Variants in TMEM72 observed in about 807,000 individuals in gnomAD.
TMEM72 encodes the protein kidney-specific secretory protein of 37 kDa.
Under a neutral mutation model 16.3 loss-of-function variants are expected in TMEM72, and 9 were observed. The ratio of observed to expected loss-of-function variants is 0.55; its 90% CI spans 0.33 to 0.96. The LOEUF (loss-of-function observed/expected upper bound fraction) is 0.96. Ranked by LOEUF, TMEM72 falls within the 40% of genes least tolerant of loss-of-function variation. TMEM72 has a pLI of 0.03. For synonymous variants in TMEM72, 160 were observed against 146.5 expected, an observed-to-expected ratio of 1.09 and a Z score of -0.66; for missense variants, 324 against 337.8, an observed-to-expected ratio of 0.96 and a Z score of 0.32.
chr10:44,918,646 T>C (rs898220371), intron 1 of TMEM72, among the ~76,000 whole-genome samples: 5 of 152,156 alleles, frequency 3.3e-5, no homozygotes, highest in Non-Finnish European at 7.3e-5. Flanking sequence ...ATCTCAGAAA[T>C]GCAAGGTTGT....
chr10:44,928,238 C>A (rs1370358988), intron 2 of TMEM72, among the ~76,000 whole-genome samples: 8 of 152,100 alleles, frequency 5.3e-5, no homozygotes, highest in Admixed American at 1.3e-4. Flanking sequence ...ATCTATCCAT[C>A]CATCTGCCCA....
At chr10:44,926,070 C>T (rs1339242219) in intron 1 of TMEM72, among the ~76,000 whole-genome samples, 1 of 151,848 alleles carries the variant, frequency 6.6e-6, no homozygotes, top group Non-Finnish European at 1.5e-5. Context: ...ATCACACTCA[C>T]ATTCACACAT....
At chr10:44,924,826 G>T (rs1322391701) in intron 1 of TMEM72, among the ~76,000 whole-genome samples, 1 of 152,240 alleles carries the variant, frequency 6.6e-6, no homozygotes, top group African/African-American at 2.4e-5. Flanking sequence ...CCTCCCGCCA[G>T]GTGGCATTCC....
At chr10:44,923,439 G>T (rs1840135752) in intron 1 of TMEM72, among the ~76,000 whole-genome samples, 1 of 151,348 alleles carries the variant, frequency 6.6e-6, no homozygotes, top group African/African-American at 2.4e-5. Flanking sequence ...GGCTGGCTTG[G>T]GCTTCCTCAC....
intron 1 of TMEM72, among the ~76,000 whole-genome samples, chr10:44,916,272 A>G (rs1295516344): frequency 6.6e-6 from 1 of 152,182 alleles, no homozygotes; most frequent in Non-Finnish European, 1.5e-5. Context: ...AGTGCTTGGA[A>G]TCAACCTGGA....
intron 1 of TMEM72, among the ~76,000 whole-genome samples, chr10:44,921,557 A>G (rs922551962): frequency 1.3e-5 from 2 of 152,200 alleles, no homozygotes; most frequent in African/African-American, 4.8e-5. Context: ...GCTCCTGATC[A>G]TTGATCAGCT....
chr10:44,918,781 C>T (rs1453871231), intron 1 of TMEM72, among the ~76,000 whole-genome samples: 1 of 152,120 alleles, frequency 6.6e-6, no homozygotes, highest in Non-Finnish European at 1.5e-5. Flanking sequence ...GGAGGTAGGG[C>T]CTTCTCTGAA....
Position 44,911,569 on chromosome 10 carries a change from C to A in TMEM72, c.57C>A (p.Ile19=), listed in dbSNP as rs1839938350. 1.3e-6 allele frequency: 2 copies of A among 1,551,010 alleles called. No individual in the cohort carries two copies. Among genetic ancestry groups the A allele is most frequent in the African/African-American group, 2.7e-5 (2 of 73,280 alleles). Residue 19 remains isoleucine, a synonymous_variant, in exon 1 of 5, where the codon ATC becomes ATA. Coordinates refer to ENST00000389583, the MANE Select transcript of TMEM72 (RefSeq NM_001123376.3). ...GLEYTCRLLG[I]TTAAVLIGVG... is the part of the protein sequence containing the mutation. ...AATACACCTGCCGGCTCCTGGGCAT[C>A]ACCACTGCTGCAGGTAAGACCCTGC...
intron 1 of TMEM72, among the ~76,000 whole-genome samples, chr10:44,916,039 T>C (rs1840009839): frequency 6.6e-6 from 1 of 152,160 alleles, no homozygotes; most frequent in South Asian, 2.1e-4. Flanking sequence ...ATTTTACAAA[T>C]GAGGAAACTG....
Position 44,932,847 on chromosome 10 carries a change from C to T in TMEM72, c.209+778C>T, listed in dbSNP as rs116304057. Among the ~76,000 whole-genome samples, 731 of 152,340 alleles carry T rather than the reference C, an allele frequency of 4.8e-3. 3 individuals are homozygous for T. Among genetic ancestry groups the T allele is most frequent in the African/African-American group, 0.016 (682 of 41,576 alleles). ...CTGGATGGACTCCACCGCACCCTGC[C>T]ACCACACACACGCAGGAATGGGCAC... On this transcript the variant is annotated intron_variant, in intron 3 of 4. Transcript: ENST00000389583.
At chr10:44,918,481 T>C (rs1172999310) in intron 1 of TMEM72, among the ~76,000 whole-genome samples, 4 of 152,172 alleles carry the variant, frequency 2.6e-5, no homozygotes, top group Non-Finnish European at 5.9e-5. Context: ...CAACTCATTC[T>C]ATAAAATTAG....
At chr10:44,932,198 C>A in intron 3 of TMEM72, 129 bp downstream of exon 3, 1 of 1,128,358 alleles carries the variant, frequency 8.9e-7, no homozygotes, top group Non-Finnish European at 1.3e-6. Context: ...AGCCCCCCAC[C>A]GAGGTACAAT....
At chr10:44,923,651 A>T (rs1471220631) in intron 1 of TMEM72, among the ~76,000 whole-genome samples, 1 of 152,154 alleles carries the variant, frequency 6.6e-6, no homozygotes, top group Non-Finnish European at 1.5e-5. Context: ...GTGTGGTGGC[A>T]CCTGAGTGAG....
At chr10:44,927,489 C>A (rs1840214895) in intron 1 of TMEM72, among the ~76,000 whole-genome samples, 1 of 152,170 alleles carries the variant, frequency 6.6e-6, no homozygotes, top group Admixed American at 6.5e-5. Context: ...AAGACCAAGG[C>A]CACACAACAG....
chr10:44,932,031 G>A lies in TMEM72; in HGVS notation c.171G>A (p.Gly57=), dbSNP rs1193686144. Residue 57 remains glycine, a synonymous_variant, in exon 3 of 5, where the codon GGG becomes GGA. Transcript: ENST00000389583. ...FTGAAVSICE[G]AYFVAQLLAI... is the part of the protein sequence containing the mutation. ...GAGCCGCTGTCTCCATATGTGAAGG[G>A]GCCTACTTTGTGGCTCAGCTGCTGG... 2 of 1,613,324 alleles carry A rather than the reference G, an allele frequency of 1.2e-6. No homozygotes were observed. The highest frequency in any genetic ancestry group is 1.7e-5 in the Admixed American group (1 of 59,934).
At chr10:44,923,765 A>G (rs1840140615) in intron 1 of TMEM72, among the ~76,000 whole-genome samples, 1 of 152,134 alleles carries the variant, frequency 6.6e-6, no homozygotes, top group Non-Finnish European at 1.5e-5. Flanking sequence ...AAACATCAAC[A>G]TGCAATGGCA....
Position 44,934,935 on chromosome 10 carries a change from T to G in TMEM72, c.629T>G (p.Leu210Arg). Residue 210 changes from leucine (L) to arginine (R), a missense_variant, in exon 5 of 5, where the codon CTG (leucine) becomes CGG (arginine). Leu to Arg is a moderately radical substitution (Grantham distance 102). Coordinates refer to ENST00000389583, the MANE Select transcript of TMEM72 (RefSeq NM_001123376.3). Reference protein sequence around the residue: ...QPPNTLMELSLEPADSLAKKK... With the variant: ...QPPNTLMELSREPADSLAKKK... ...CCCAACACCCTGATGGAGCTGAGCCTGGAGCCAGCCGACTCCCTGGCCAAG... is the reference window on the plus strand; with the variant it reads ...CCCAACACCCTGATGGAGCTGAGCCGGGAGCCAGCCGACTCCCTGGCCAAG... The G allele has an allele frequency of 6.2e-7, 1 of 1,613,836 alleles. No individual in the cohort carries two copies. Among genetic ancestry groups the G allele is most frequent in the Non-Finnish European group, 8.5e-7 (1 of 1,179,962 alleles).
At chr10:44,927,712 T>C (rs10900130) in intron 1 of TMEM72, among the ~76,000 whole-genome samples, 111,459 of 152,146 alleles carry the variant, frequency 0.73, 41,443 homozygotes, top group Middle Eastern at 0.82. Context: ...ACCTCTGGGC[T>C]TCTGCCTGGA....
intron 1 of TMEM72, among the ~76,000 whole-genome samples, chr10:44,917,654 TC>T (rs979395770): frequency 1.3e-5 from 2 of 152,166 alleles, no homozygotes; most frequent in Admixed American, 1.3e-4. Context: ...AGAAATGTTG[TC>T]TGACATAAGT....
Sources: gnomAD v4.1 joint callset for allele counts (sites outside exome capture counted in the v4.1 genomes callset) on GRCh38, gnomAD v4.1.1 for gene constraint, MANE v1.5 for transcripts, NCBI Gene and HGNC (gene_info 2026-07-23, HGNC 2026-07-21) for gene names.